Variants in DTNB observed in about 807,000 individuals in gnomAD.
The protein encoded by DTNB is dystrobrevin beta.
A neutral mutation model predicts 90.7 loss-of-function variants in DTNB; 63 were observed. That is an observed-to-expected ratio of 0.69 (90% CI 0.57 to 0.86). The LOEUF is 0.86. Ranked by LOEUF, DTNB falls within the 40% of genes least tolerant of loss-of-function variation. The pLI is 0.00. For missense variants in DTNB, 744 were observed against 807.1 expected, an observed-to-expected ratio of 0.92 and a Z score of 0.95; for synonymous variants, 277 against 286.7, an observed-to-expected ratio of 0.97 and a Z score of 0.34.
chr2:25,396,032 T>A (rs1198906585), intron 16 of DTNB, among the ~76,000 whole-genome samples: 1 of 152,132 alleles, frequency 6.6e-6, no homozygotes, highest in Non-Finnish European at 1.5e-5. Flanking sequence ...TGCCCATCAA[T>A]CAACGAGTGG....
chr2:25,503,652 C>A (rs1174918278), intron 9 of DTNB, among the ~76,000 whole-genome samples: 1 of 152,146 alleles, frequency 6.6e-6, no homozygotes, highest in Non-Finnish European at 1.5e-5. Flanking sequence ...CAGTGGCTCA[C>A]GCCTGTAATC....
intron 19 of DTNB, 96 bp downstream of exon 19, chr2:25,383,740 G>A: frequency 2.5e-6 from 4 of 1,611,136 alleles, no homozygotes; most frequent in Middle Eastern, 1.7e-4. Flanking sequence ...TGGGAAAGGT[G>A]GTGGCAGGGA....
chr2:25,672,261 C>T (rs2086140620), intron 1 of DTNB, among the ~76,000 whole-genome samples: 1 of 117,664 alleles, frequency 8.5e-6, no homozygotes, highest in Non-Finnish European at 1.7e-5. Flanking sequence ...ACTTGTGGAA[C>T]AGGAGAAATC....
At chr2:25,593,369 T>C (rs561091607) in intron 6 of DTNB, among the ~76,000 whole-genome samples, 4 of 152,304 alleles carry the variant, frequency 2.6e-5, no homozygotes, top group African/African-American at 7.2e-5. Context: ...AAACAAACCA[T>C]GAGAAAAGCC....
chr2:25,564,326 TAA>T (rs2058691711), intron 8 of DTNB, among the ~76,000 whole-genome samples: 2 of 152,172 alleles, frequency 1.3e-5, no homozygotes, highest in African/African-American at 4.8e-5. Flanking sequence ...TTTTAAATGT[TAA>T]GTCTTCTAAC....
chr2:25,648,292 A>G (rs1369011953), intron 2 of DTNB, among the ~76,000 whole-genome samples: 3 of 152,222 alleles, frequency 2.0e-5, no homozygotes, highest in African/African-American at 7.2e-5. Context: ...CCATCATGAT[A>G]AACAGATGTG....
Position 25,509,482 on chromosome 2 carries a change from CTGCAAATGTTTTTGTCTT to C in DTNB, c.1001+21973_1001+21990del, listed in dbSNP as rs537491409. ...TTTAGTAGTGAGCATTTTTATTCAT[CTGCAAATGTTTTTGTCTT>C]TGCCTTTCTTGACAGGTATTTTCTC... On this transcript the variant is annotated intron_variant, in intron 9 of 20. Transcript: ENST00000406818. 4.2e-3 allele frequency among the ~76,000 whole-genome samples: 640 copies of C among 152,258 alleles called. 4 individuals carry two copies. Among genetic ancestry groups the C allele is most frequent in the African/African-American group, 0.014 (600 of 41,554 alleles).
chr2:25,668,536 C>A (rs1360370004), intron 1 of DTNB, among the ~76,000 whole-genome samples: 1 of 152,110 alleles, frequency 6.6e-6, no homozygotes, highest in African/African-American at 2.4e-5. Flanking sequence ...TAGAACTATA[C>A]AATACAAAGA....
chr2:25,579,605 A>G (rs2061247408), intron 7 of DTNB, among the ~76,000 whole-genome samples: 1 of 152,144 alleles, frequency 6.6e-6, no homozygotes, highest in African/African-American at 2.4e-5. Flanking sequence ...TTAAGAAGTC[A>G]CTAAGAGATA....
chr2:25,596,833 T>C (rs1191352930), intron 5 of DTNB, among the ~76,000 whole-genome samples: 1 of 152,208 alleles, frequency 6.6e-6, no homozygotes, highest in Non-Finnish European at 1.5e-5. Context: ...CCAAGACACT[T>C]TGATACTGTA....
intron 9 of DTNB, among the ~76,000 whole-genome samples, chr2:25,492,718 G>A (rs1266960808): frequency 2.0e-5 from 3 of 152,114 alleles, no homozygotes; most frequent in East Asian, 3.9e-4. Context: ...TTTTGGTGGT[G>A]CACACCTGTA....
intron 8 of DTNB, among the ~76,000 whole-genome samples, chr2:25,534,698 C>G (rs1260455023): frequency 6.9e-6 from 1 of 143,892 alleles, no homozygotes; most frequent in Admixed American, 7.0e-5. Context: ...ACCTCCCAGA[C>G]AGGGTGGCGG....
intron 4 of DTNB, among the ~76,000 whole-genome samples, chr2:25,608,401 T>C (rs951200279): frequency 2.6e-5 from 4 of 152,212 alleles, no homozygotes; most frequent in African/African-American, 9.6e-5. Context: ...CAATATTTGT[T>C]ACAGTTGAGC....
chr2:25,460,908 T>TG (rs1312539432), intron 10 of DTNB, among the ~76,000 whole-genome samples: 1 of 151,702 alleles, frequency 6.6e-6, no homozygotes, highest in Non-Finnish European at 1.5e-5. Flanking sequence ...TTTTGTTTTT[T>TG]TTTTTTTGAG....
intron 10 of DTNB, among the ~76,000 whole-genome samples, chr2:25,459,377 T>A (rs192219086): frequency 2.5e-4 from 38 of 152,294 alleles, no homozygotes; most frequent in African/African-American, 9.1e-4. Context: ...TGTAAGTCCA[T>A]CCATTGAATT....
chr2:25,611,690 A>AT (rs2068661673), intron 4 of DTNB, among the ~76,000 whole-genome samples: 1 of 152,186 alleles, frequency 6.6e-6, no homozygotes, highest in Non-Finnish European at 1.5e-5. Context: ...TAAAGTGATT[A>AT]TATCTGGGAA....
At chr2:25,445,435 A>C (rs2058255096) in intron 12 of DTNB, among the ~76,000 whole-genome samples, 1 of 152,246 alleles carries the variant, frequency 6.6e-6, no homozygotes, top group African/African-American at 2.4e-5. Flanking sequence ...TTGAAATCTA[A>C]ACAAACTCAA....
chr2:25,490,449 G>A (rs1187761668), intron 9 of DTNB, among the ~76,000 whole-genome samples: 10 of 152,124 alleles, frequency 6.6e-5, no homozygotes, highest in Admixed American at 5.9e-4. Context: ...TTGGCAATAT[G>A]TCCATCAAAG....
At chr2:25,462,591 G>A (rs1354051642) in intron 10 of DTNB, among the ~76,000 whole-genome samples, 1 of 152,112 alleles carries the variant, frequency 6.6e-6, no homozygotes, top group Non-Finnish European at 1.5e-5. Flanking sequence ...TGGGAAGATT[G>A]GATAAAATAA....
Sources: allele counts gnomAD v4.1 joint callset (sites outside exome capture counted in the v4.1 genomes callset), GRCh38; gene constraint gnomAD v4.1.1; transcripts MANE v1.5; gene names NCBI Gene and HGNC (gene_info 2026-07-23, HGNC 2026-07-21).